Variants in PARD3B observed in about 807,000 individuals in gnomAD.
PARD3B encodes par-3 family cell polarity regulator beta, also known as partitioning defective 3 homolog B.
A neutral mutation model predicts 130.2 loss-of-function variants in PARD3B; 103 were observed. The observed-to-expected ratio is 0.79, with a 90% confidence interval of 0.67 to 0.93. PARD3B has a LOEUF of 0.93. Ranked by LOEUF, PARD3B falls within the 40% of genes least tolerant of loss-of-function variation. The pLI is 0.00. For synonymous variants in PARD3B, 583 were observed against 553.2 expected (o/e 1.05, Z -0.76); for missense variants, 1,609 against 1,499.2 (o/e 1.07, Z -1.21).
rs544677698 is a variant in PARD3B, at chr2:205,409,439, A to C, written c.2741+8316A>C. Among the ~76,000 whole-genome samples the C allele has an allele frequency of 1.1e-4, 16 of 152,238 alleles. No homozygotes were observed. In the South Asian group the frequency reaches 1.9e-3, roughly 18 times the overall value. ...GCTTTAATATCTTTACATTTATTTG[A>C]TCTCTGTAACACCTATCTTCTCAGA... On this transcript the variant is annotated intron_variant, in intron 19 of 22. Coordinates refer to ENST00000406610, the MANE Select transcript of PARD3B (RefSeq NM_001302769.2).
chr2:204,792,658 C>T (rs1287336032), intron 2 of PARD3B, among the ~76,000 whole-genome samples: 2 of 152,058 alleles, frequency 1.3e-5, no homozygotes, highest in African/African-American at 4.8e-5. Context: ...CCACCAACAC[C>T]CCCACACCAA....
intron 3 of PARD3B, among the ~76,000 whole-genome samples, chr2:205,036,500 A>G (rs2125379586): frequency 6.7e-6 from 1 of 148,768 alleles, no homozygotes; most frequent in South Asian, 2.1e-4. Flanking sequence ...CATATAGCAG[A>G]CTATATATAA....
At chr2:204,636,160 G>C (rs2034867676) in intron 1 of PARD3B, among the ~76,000 whole-genome samples, 1 of 152,058 alleles carries the variant, frequency 6.6e-6, no homozygotes, top group South Asian at 2.1e-4. Flanking sequence ...GGTGTGTTTT[G>C]TTTTTTGTCC....
intron 22 of PARD3B, among the ~76,000 whole-genome samples, chr2:205,607,767 C>T (rs930410083): frequency 3.1e-4 from 46 of 150,736 alleles, no homozygotes; most frequent in African/African-American, 1.0e-3. Context: ...AGACAATTGC[C>T]GTGGCAGGAT....
Position 205,171,975 on chromosome 2 carries a change from A to G in PARD3B, c.1621-236A>G, listed in dbSNP as rs78062628. On this transcript the variant is annotated intron_variant, in intron 11 of 22. Transcript: ENST00000406610. ...ATTATACAAATGTCTAAATTATTGC[A>G]GCTCAGGACTCTAAGATTTCTAAAA... is the stretch of plus-strand genomic sequence containing the variant. Among the ~76,000 whole-genome samples the G allele has an allele frequency of 6.5e-3, 996 of 152,328 alleles. 16 individuals carry two copies. Among genetic ancestry groups the G allele is most frequent in the African/African-American group, 0.023 (949 of 41,570 alleles).
chr2:205,535,622 A>G (rs2051815502), intron 21 of PARD3B, among the ~76,000 whole-genome samples: 1 of 152,228 alleles, frequency 6.6e-6, no homozygotes. Flanking sequence ...TTTAAATAAT[A>G]GCCCACTTAA....
At chr2:205,566,611 C>G (rs2053342779) in intron 22 of PARD3B, among the ~76,000 whole-genome samples, 1 of 152,178 alleles carries the variant, frequency 6.6e-6, no homozygotes, top group South Asian at 2.1e-4. Flanking sequence ...AGGTACCTTT[C>G]AGACTTCCAA....
chr2:205,018,333 T>C lies in PARD3B; in HGVS notation c.395-29248T>C, dbSNP rs545966604. On this transcript the variant is annotated intron_variant, in intron 3 of 22. Transcript: ENST00000406610. Reference sequence around the variant, plus strand: ...ATCTACTTATTTACCTTTAGCATAATTGTTTTCATGTAATATCCAGAACAT... The same window carrying C: ...ATCTACTTATTTACCTTTAGCATAACTGTTTTCATGTAATATCCAGAACAT... 2.7e-4 allele frequency among the ~76,000 whole-genome samples: 41 copies of C among 152,230 alleles called. 1 individual carries two copies. The South Asian group carries it at 8.5e-3, about 32-fold the overall frequency.
chr2:204,593,401 C>T (rs752984728), intron 1 of PARD3B, among the ~76,000 whole-genome samples: 53 of 152,164 alleles, frequency 3.5e-4, no homozygotes, highest in Non-Finnish European at 4.1e-4. Context: ...CTCCACAGTA[C>T]CATACCCTGC....
chr2:205,392,328 A>G (rs1410657923), intron 18 of PARD3B, among the ~76,000 whole-genome samples: 1 of 152,214 alleles, frequency 6.6e-6, no homozygotes, highest in East Asian at 1.9e-4. Context: ...AGAAATTGCC[A>G]TGACCACCAA....
intron 2 of PARD3B, among the ~76,000 whole-genome samples, chr2:204,883,628 T>C: frequency 6.6e-6 from 1 of 150,896 alleles, no homozygotes; most frequent in East Asian, 2.0e-4. Context: ...TTATTTTTAG[T>C]AGAGACAGGG....
chr2:204,829,430 C>T (rs1399518045), intron 2 of PARD3B, among the ~76,000 whole-genome samples: 1 of 152,168 alleles, frequency 6.6e-6, no homozygotes, highest in Non-Finnish European at 1.5e-5. Context: ...TACTTTGTCT[C>T]CCTAATTCAG....
intron 15 of PARD3B, among the ~76,000 whole-genome samples, chr2:205,226,560 T>G (rs1408650301): frequency 6.6e-6 from 1 of 152,212 alleles, no homozygotes; most frequent in Non-Finnish European, 1.5e-5. Flanking sequence ...AGAGTCTAGT[T>G]TCATTCTCCT....
At chr2:204,926,611 C>A (rs11694849) in intron 2 of PARD3B, among the ~76,000 whole-genome samples, 35,362 of 151,810 alleles carry the variant, frequency 0.23, 4,499 homozygotes, top group Non-Finnish European at 0.29. Flanking sequence ...CGATCCGTGA[C>A]AGCATTTTAC....
At position 204,669,743 on chromosome 2, in the gene PARD3B, G is replaced by A. The variant is rs530190934; in HGVS notation, c.121-16438G>A. On this transcript the variant is annotated intron_variant, in intron 1 of 22. Transcript: ENST00000406610. This position sits in a 1 kb window ranked among gnomAD's most constrained non-coding sequence, Gnocchi z 4.3. Reference sequence around the variant, plus strand: ...TATTTGCAACTTCAGTAGCATAAAAGTAAAGGTAGAGCCGACAGAAATGGG... The same window carrying A: ...TATTTGCAACTTCAGTAGCATAAAAATAAAGGTAGAGCCGACAGAAATGGG... Among the ~76,000 whole-genome samples the A allele has an allele frequency of 4.0e-4, 61 of 152,252 alleles. No individual in the cohort carries two copies. The highest frequency in any genetic ancestry group is 7.6e-4 in the Non-Finnish European group (52 of 68,004).
In PARD3B at chr2:204,967,696, G is replaced by A. The variant is rs1310676441; in HGVS notation, c.394+2373G>A. 6.6e-6 allele frequency among the ~76,000 whole-genome samples: 1 copy of A among 152,210 alleles called. No homozygotes were observed. The highest frequency in any genetic ancestry group is 2.4e-5 in the African/African-American group (1 of 41,458). Reference sequence around the variant, plus strand: ...AAAAACATATTTGTCAGGTTTTTCAGATAGCGAAGTTAAAGAAGGAAGCAA... The same window carrying A: ...AAAAACATATTTGTCAGGTTTTTCAAATAGCGAAGTTAAAGAAGGAAGCAA... On this transcript the variant is annotated intron_variant, in intron 3 of 22. Transcript: ENST00000406610. The surrounding 1 kb of genome is among the most constrained non-coding windows in gnomAD (Gnocchi z 4.4).
chr2:205,074,295 T>C (rs778856551), intron 4 of PARD3B, among the ~76,000 whole-genome samples: 2 of 152,210 alleles, frequency 1.3e-5, no homozygotes, highest in Non-Finnish European at 2.9e-5. Flanking sequence ...TCATTAACTT[T>C]TATGCTAAGA....
At chr2:204,850,096 AAAC>A (rs1462509894) in intron 2 of PARD3B, among the ~76,000 whole-genome samples, 1 of 152,172 alleles carries the variant, frequency 6.6e-6, no homozygotes, top group South Asian at 2.1e-4. Flanking sequence ...CAATCCTGTC[AAAC>A]AACTTGCATA....
At chr2:204,945,074 G>C (rs569289692) in intron 2 of PARD3B, among the ~76,000 whole-genome samples, 1 of 152,230 alleles carries the variant, frequency 6.6e-6, no homozygotes, top group African/African-American at 2.4e-5. Context: ...ATCAGAAAAA[G>C]ATTTAAGGTA....
Sources: gnomAD v4.1 joint callset for allele counts (sites outside exome capture counted in the v4.1 genomes callset) on GRCh38, gnomAD v4.1.1 for gene constraint, Gnocchi (gnomAD v3.1) non-coding constraint, MANE v1.5 for transcripts, NCBI Gene and HGNC (gene_info 2026-07-23, HGNC 2026-07-21) for gene names.